The following GABRA2 variants were observed in gnomAD, a reference collection of about 807,000 sequenced individuals.
GABRA2 encodes the protein gamma-aminobutyric acid type A receptor subunit alpha2, also known as gamma-aminobutyric acid receptor subunit alpha-2.
In GABRA2, 16 loss-of-function variants were observed where a neutral mutation model predicts 48.7. The ratio of observed to expected loss-of-function variants is 0.33; its 90% CI spans 0.22 to 0.50. GABRA2 has a LOEUF of 0.50. Ranked by LOEUF, GABRA2 falls within the 20% of genes least tolerant of loss-of-function variation. GABRA2 has a pLI of 0.98. For missense variants in GABRA2, 275 were observed against 535.6 expected, an observed-to-expected ratio of 0.51 and a Z score of 4.80; for synonymous variants, 185 against 184.5, an observed-to-expected ratio of 1.00 and a Z score of -0.02.
chr4:46,298,430 T>G (rs908989214), intron 8 of GABRA2, among the ~76,000 whole-genome samples: 2 of 152,082 alleles, frequency 1.3e-5, no homozygotes, highest in African/African-American at 4.8e-5. Context: ...GGCTTTGTTT[T>G]GTTTTATTGT....
rs1303361068 is a variant in GABRA2, at chr4:46,245,157, G to A, written c.*5151C>T. Reference sequence around the variant, plus strand: ...ATCACACAGTGATGATGGCTGCTGTGAGGACTGAATGAACTAATATGCATA... The same window carrying A: ...ATCACACAGTGATGATGGCTGCTGTAAGGACTGAATGAACTAATATGCATA... On this transcript the variant is annotated 3_prime_UTR_variant, in exon 10 of 10. Transcript: ENST00000381620. Among the ~76,000 whole-genome samples the A allele has an allele frequency of 3.3e-5, 5 of 151,252 alleles. No individual in the cohort carries two copies. The highest frequency in any genetic ancestry group is 7.4e-5 in the Non-Finnish European group (5 of 67,480).
intron 8 of GABRA2, among the ~76,000 whole-genome samples, chr4:46,264,932 T>C (rs2109364337): frequency 6.7e-6 from 1 of 148,202 alleles, no homozygotes; most frequent in South Asian, 2.2e-4. Context: ...TTGTTATAGT[T>C]AATCTAGATC....
chr4:46,305,019 A>C (rs1726419562), intron 7 of GABRA2, among the ~76,000 whole-genome samples: 1 of 151,816 alleles, frequency 6.6e-6, no homozygotes, highest in African/African-American at 2.4e-5. Context: ...AGTGCATTTT[A>C]GGCCAGTGTT....
chr4:46,354,017 T>G (rs778659116), intron 3 of GABRA2, among the ~76,000 whole-genome samples: 9 of 152,196 alleles, frequency 5.9e-5, no homozygotes, highest in Non-Finnish European at 1.2e-4. Context: ...ATGTATTCAA[T>G]AAATTTATGA....
At chr4:46,296,367 C>T (rs1724687470) in intron 8 of GABRA2, among the ~76,000 whole-genome samples, 1 of 152,088 alleles carries the variant, frequency 6.6e-6, no homozygotes, top group Admixed American at 6.5e-5. Flanking sequence ...TTCCTTTGAA[C>T]TAGAAGTTAA....
intron 9 of GABRA2, among the ~76,000 whole-genome samples, chr4:46,252,860 A>G (rs556690344): frequency 1.3e-5 from 2 of 151,598 alleles, no homozygotes; most frequent in East Asian, 2.0e-4. Flanking sequence ...GTAACTTGAC[A>G]AAAGGAAGAT....
chr4:46,297,223 T>C (rs1303576580), intron 8 of GABRA2, among the ~76,000 whole-genome samples: 1 of 151,852 alleles, frequency 6.6e-6, no homozygotes, highest in African/African-American at 2.4e-5. Flanking sequence ...CCACCCTTAA[T>C]ATGGGAAGAA....
chr4:46,322,371 A>C (rs1578044449), intron 4 of GABRA2, among the ~76,000 whole-genome samples: 1 of 151,734 alleles, frequency 6.6e-6, no homozygotes, highest in Non-Finnish European at 1.5e-5. Flanking sequence ...AAGTAAAAAC[A>C]CTCTCACAGC....
upstream of GABRA2, chr4:46,390,212 CCA>C (rs1163998645): frequency 3.5e-3 from 453 of 128,634 alleles, 3 homozygotes; most frequent in Middle Eastern, 7.6e-3. Context: ...TCCCCCCCCC[CCA>C]CACACACACA....
In GABRA2 at chr4:46,388,733, A is replaced by G; in HGVS notation, c.-10-17T>C. On this transcript the variant is annotated splice_polypyrimidine_tract_variant and intron_variant, in intron 1 of 9. Coordinates refer to ENST00000381620, the MANE Select transcript of GABRA2 (RefSeq NM_000807.4). Reference sequence around the variant, plus strand: ...ACCGCCGCTCTTTACAAAGCCATGGAATGAAAAACAAAATACACTTAAAAT... The same window carrying G: ...ACCGCCGCTCTTTACAAAGCCATGGGATGAAAAACAAAATACACTTAAAAT... 6.2e-7 allele frequency: 1 copy of G among 1,613,410 alleles called. No individual in the cohort carries two copies. Among genetic ancestry groups the G allele is most frequent in the Non-Finnish European group, 8.5e-7 (1 of 1,179,842 alleles).
chr4:46,359,643 A>G (rs1261590097), intron 3 of GABRA2, among the ~76,000 whole-genome samples: 1 of 152,152 alleles, frequency 6.6e-6, no homozygotes, highest in East Asian at 1.9e-4. Flanking sequence ...TTATTTTTAT[A>G]TTACAATGCA....
chr4:46,291,480 G>A (rs1723610036), intron 8 of GABRA2, among the ~76,000 whole-genome samples: 1 of 152,112 alleles, frequency 6.6e-6, no homozygotes, highest in East Asian at 1.9e-4. Context: ...ATTAACATTT[G>A]AGTCAGTGGG....
chr4:46,255,490 A>G (rs1715635649), intron 9 of GABRA2, among the ~76,000 whole-genome samples: 1 of 151,642 alleles, frequency 6.6e-6, no homozygotes, highest in South Asian at 2.1e-4. Flanking sequence ...CTTGTGATTT[A>G]GACCCATATC....
rs757068379 is a variant in GABRA2 at position 46,388,629 on chromosome 4, A to G, written c.71+7T>C. 6.2e-7 allele frequency: 1 copy of G among 1,614,024 alleles called. No homozygotes were observed. Among genetic ancestry groups the G allele is most frequent in the Non-Finnish European group, 8.5e-7 (1 of 1,179,944 alleles). ...ATTAAAATAGTCAAATACAATAAAT[A>G]TCTCACCTGGCAGGGTCCCACACCA... On this transcript the variant is annotated splice_region_variant and intron_variant, in intron 2 of 9. Coordinates refer to ENST00000381620, the MANE Select transcript of GABRA2 (RefSeq NM_000807.4).
chr4:46,384,870 A>G (rs1717233477), intron 3 of GABRA2, among the ~76,000 whole-genome samples: 1 of 152,044 alleles, frequency 6.6e-6, no homozygotes, highest in Non-Finnish European at 1.5e-5. Context: ...CTGAGCATAT[A>G]TTAAACAACT....
chr4:46,274,190 T>G (rs539406916), intron 8 of GABRA2, among the ~76,000 whole-genome samples: 1 of 152,214 alleles, frequency 6.6e-6, no homozygotes, highest in South Asian at 2.1e-4. Flanking sequence ...ATAATTATTA[T>G]TCTCATTTAC....
chr4:46,271,161 A>T (rs1483921795), intron 8 of GABRA2, among the ~76,000 whole-genome samples: 1 of 152,018 alleles, frequency 6.6e-6, no homozygotes, highest in Non-Finnish European at 1.5e-5. Flanking sequence ...AACAGGCACG[A>T]AAGACTGCAA....
At chr4:46,273,518 T>C (rs1450907755) in intron 8 of GABRA2, among the ~76,000 whole-genome samples, 4 of 33,986 alleles carry the variant, frequency 1.2e-4, no homozygotes, top group African/African-American at 2.7e-4. Flanking sequence ...TATATATATA[T>C]ATATATATAT....
In GABRA2 at chr4:46,386,199, T is replaced by C. The variant is rs775923145; in HGVS notation, c.72-10A>G. 3 of 1,527,504 alleles carry C rather than the reference T, an allele frequency of 2.0e-6. No individual in the cohort carries two copies. The highest frequency in any genetic ancestry group is 9.0e-7 in the Non-Finnish European group (1 of 1,109,436). The allele number at this position is 1,527,504 out of a possible 1,614,324, so 94.6% of individuals were successfully genotyped here. A position where few individuals can be genotyped will look rare whatever the true frequency, so the allele number is the denominator to read the frequency against. On this transcript the variant is annotated splice_polypyrimidine_tract_variant and intron_variant, in intron 2 of 9. Transcript: ENST00000381620. ...GTTAGCCAGCACCAACCTAAACAGA[T>C]AATTTTAAAAGCTGATATATATACA...
Sources: allele counts gnomAD v4.1 joint callset (sites outside exome capture counted in the v4.1 genomes callset), GRCh38; gene constraint gnomAD v4.1.1; transcripts MANE v1.5; gene names NCBI Gene and HGNC (gene_info 2026-07-23, HGNC 2026-07-21).